Variants in AXDND1 observed in about 807,000 individuals in gnomAD.
The protein encoded by AXDND1 is axonemal dynein light chain domain-containing protein 1.
In AXDND1, 110 loss-of-function variants were observed where a neutral mutation model predicts 137.5. That is an observed-to-expected ratio of 0.80 (90% CI 0.69 to 0.94). The LOEUF (loss-of-function observed/expected upper bound fraction) is 0.94. AXDND1 is among the 40% of genes least tolerant of loss of function. The pLI, the probability that AXDND1 is intolerant of heterozygous loss-of-function variation, is 0.00. For synonymous variants in AXDND1, 414 were observed against 399.7 expected, an observed-to-expected ratio of 1.04 and a Z score of -0.43; for missense variants, 1,191 against 1,169.8, an observed-to-expected ratio of 1.02 and a Z score of -0.26.
chr1:179,395,734 T>C (rs1177923951), intron 11 of AXDND1, among the ~76,000 whole-genome samples: 1 of 152,212 alleles, frequency 6.6e-6, no homozygotes, highest in Non-Finnish European at 1.5e-5. Flanking sequence ...TGAAATTTTA[T>C]GTCATGAAAT....
At chr1:179,499,961 T>G (rs1311629487) in intron 20 of AXDND1, among the ~76,000 whole-genome samples, 1 of 152,146 alleles carries the variant, frequency 6.6e-6, no homozygotes. Flanking sequence ...GCTCTAAGTA[T>G]AGACAGCTTC....
intron 15 of AXDND1, among the ~76,000 whole-genome samples, chr1:179,439,591 C>T (rs1658689945): frequency 7.8e-6 from 1 of 128,858 alleles, no homozygotes; most frequent in Non-Finnish European, 1.8e-5. Flanking sequence ...ACAGGGAAAA[C>T]ATACTGCACA....
chr1:179,554,373 G>T, intron 25 of AXDND1, 139 bp from the exon 26 acceptor site: 1 of 1,340,956 alleles, frequency 7.5e-7, no homozygotes, highest in Non-Finnish European at 1.1e-6. Flanking sequence ...TGCTGATATG[G>T]CTATAGTACT....
rs10494520 is a variant in AXDND1 at position 179,483,140 on chromosome 1, G to T, written c.2010G>T (p.Ala670=). 48 of 1,597,656 alleles carry T rather than the reference G, an allele frequency of 3.0e-5. No homozygotes were observed. The Admixed American group carries it at 7.9e-4, about 26-fold the overall frequency. Residue 670 remains alanine, a synonymous_variant, in exon 18 of 26, where the codon GCG becomes GCT. Transcript: ENST00000367618. ...ATTTTTCCTTCAGGGTACTCCAAGC[G>T]TATATATTTAACATGATTCAACAAT... ...IDVDSVSVLQ[A]YIFNMIQQWL...
intron 16 of AXDND1, among the ~76,000 whole-genome samples, chr1:179,458,245 A>C (rs982299347): frequency 6.6e-6 from 1 of 151,878 alleles, no homozygotes; most frequent in African/African-American, 2.4e-5. Context: ...GGCCTCCCAA[A>C]GTGCTGAGAT....
chr1:179,430,473 T>G lies in AXDND1; in HGVS notation c.1354T>G (p.Leu452Val). The G allele has an allele frequency of 6.2e-7, 1 of 1,613,618 alleles. No homozygotes were observed. Among genetic ancestry groups the G allele is most frequent in the Non-Finnish European group, 8.5e-7 (1 of 1,179,742 alleles). ...ATAGGACACTGAAGACCTTGCACTGTTGCAGAAGTTGACACAAAAATGGAG... is the reference window on the plus strand; with the variant it reads ...ATAGGACACTGAAGACCTTGCACTGGTGCAGAAGTTGACACAAAAATGGAG... ...SNKDTEDLAL[L>V]QKLTQKWRNL... The change falls in exon 14 of 26, where the codon TTG (leucine) becomes GTG (valine). Residue 452 changes from leucine (L) to valine (V), a missense_variant. Coordinates refer to ENST00000367618, the MANE Select transcript of AXDND1 (RefSeq NM_144696.6).
chr1:179,528,330 C>A lies in AXDND1; in HGVS notation c.2614C>A (p.Pro872Thr), dbSNP rs146570827. The part of the protein sequence containing the change: ...EENKERAEEQ[P>T]STSTEKEKLI... ...TCCGCATGTTTCTGTGTTCTAGCAA[C>A]CTTCAACATCTACAGAGAAGGAAAA... The change falls in exon 23 of 26, where the codon CCT (proline) becomes ACT (threonine). Residue 872 changes from proline to threonine, a missense_variant. Coordinates refer to ENST00000367618, the MANE Select transcript of AXDND1 (RefSeq NM_144696.6). The A allele has an allele frequency of 3.1e-5, 50 of 1,611,806 alleles. No homozygotes were observed. The highest frequency in any genetic ancestry group is 3.9e-5 in the Non-Finnish European group (46 of 1,178,210).
intron 20 of AXDND1, among the ~76,000 whole-genome samples, chr1:179,494,286 T>G (rs1667228768): frequency 6.6e-6 from 1 of 152,134 alleles, no homozygotes; most frequent in Admixed American, 6.5e-5. Flanking sequence ...TACATTCTAA[T>G]AAGTGAGTAG....
Position 179,483,128 on chromosome 1 carries a change from G to A in AXDND1, c.1998G>A (p.Ser666=). The change falls in exon 18 of 26, where the codon TCG becomes TCA. Residue 666 remains serine, a splice_region_variant and synonymous_variant. Coordinates refer to ENST00000367618, the MANE Select transcript of AXDND1 (RefSeq NM_144696.6). ...VPQHIDVDSV[S]VLQAYIFNMI... is the part of the protein sequence containing the mutation. ...TTATTTTACTTGATTTTTCCTTCAGGGTACTCCAAGCGTATATATTTAACA... is the reference window on the plus strand; with the variant it reads ...TTATTTTACTTGATTTTTCCTTCAGAGTACTCCAAGCGTATATATTTAACA... 1 of 1,573,030 alleles carries A rather than the reference G, an allele frequency of 6.4e-7. No individual in the cohort carries two copies.
chr1:179,418,658 G>A (rs1336462991), intron 12 of AXDND1, among the ~76,000 whole-genome samples: 2 of 142,666 alleles, frequency 1.4e-5, no homozygotes, highest in South Asian at 4.5e-4. Context: ...GCGGCTGGCC[G>A]GGTGGGGGGC....
Position 179,552,617 on chromosome 1 carries a change from G to A in AXDND1, c.3032-1895G>A, listed in dbSNP as rs1057517164. The A allele has an allele frequency of 6.2e-7, 1 of 1,613,720 alleles. No homozygotes were observed. Among genetic ancestry groups the A allele is most frequent in the South Asian group, 1.1e-5 (1 of 90,986 alleles). On this transcript the variant is annotated intron_variant, in intron 25 of 25. Coordinates refer to ENST00000367618, the MANE Select transcript of AXDND1 (RefSeq NM_144696.6). ...GGAGTGCTCACCCGCACTTTGGCTT[G>A]TCTTTGCGCTTCAGCCTCCACAGCC...
At position 179,380,081 on chromosome 1, in the gene AXDND1, C is replaced by T. The variant is rs545047087; in HGVS notation, c.581+599C>T. ...TGGCTAACACGGTGAAACTCCGTCTCTACTAAAAATACAAAAAAATAGCCG... is the reference window on the plus strand; with the variant it reads ...TGGCTAACACGGTGAAACTCCGTCTTTACTAAAAATACAAAAAAATAGCCG... On this transcript the variant is annotated intron_variant, in intron 6 of 25. Coordinates refer to ENST00000367618, the MANE Select transcript of AXDND1 (RefSeq NM_144696.6). Among the ~76,000 whole-genome samples the T allele has an allele frequency of 4.0e-3, 609 of 151,956 alleles. 2 individuals are homozygous for T. Among genetic ancestry groups the T allele is most frequent in the African/African-American group, 0.014 (572 of 41,464 alleles).
chr1:179,544,755 G>A (rs565114363), intron 25 of AXDND1: 7 of 151,790 alleles, frequency 4.6e-5, no homozygotes, highest in Admixed American at 1.3e-4. Flanking sequence ...CAGCATTTTC[G>A]GATTTCTTAT....
intron 16 of AXDND1, among the ~76,000 whole-genome samples, chr1:179,463,338 C>T (rs186737316): frequency 3.7e-4 from 56 of 152,224 alleles, no homozygotes; most frequent in South Asian, 2.1e-4. Flanking sequence ...TCATTGGTTT[C>T]GAAGAGCATC....
chr1:179,528,261 G>C (rs554402781), intron 22 of AXDND1, 66 bp from the exon 23 acceptor site: 1 of 1,127,714 alleles, frequency 8.9e-7, no homozygotes, highest in Non-Finnish European at 1.3e-6. Flanking sequence ...ACTTGCTACC[G>C]TGCCAGGAAA....
At chr1:179,370,748 T>C (rs1363192927) in intron 4 of AXDND1, among the ~76,000 whole-genome samples, 3 of 152,194 alleles carry the variant, frequency 2.0e-5, no homozygotes, top group African/African-American at 7.2e-5. Context: ...CTGAAACAAA[T>C]GTTTACACTT....
chr1:179,447,830 T>C, intron 16 of AXDND1: 1 of 1,296,806 alleles, frequency 7.7e-7, no homozygotes, highest in East Asian at 2.3e-5. Flanking sequence ...AAGTCTGTAG[T>C]GCCCAACATC....
intron 17 of AXDND1, among the ~76,000 whole-genome samples, chr1:179,474,755 G>A (rs1238628841): frequency 6.6e-6 from 1 of 152,190 alleles, no homozygotes; most frequent in Admixed American, 6.5e-5. Flanking sequence ...TTTCTGGGGA[G>A]GAAATAAAGA....
At chr1:179,436,779 C>T (rs1367137641) in intron 15 of AXDND1, among the ~76,000 whole-genome samples, 2 of 151,786 alleles carry the variant, frequency 1.3e-5, no homozygotes, top group Non-Finnish European at 2.9e-5. Flanking sequence ...CTGATAGGTG[C>T]AGCAAACCAC....
Sources: gnomAD v4.1 joint callset for allele counts (sites outside exome capture counted in the v4.1 genomes callset) on GRCh38, gnomAD v4.1.1 for gene constraint, MANE v1.5 for transcripts, NCBI Gene and HGNC (gene_info 2026-07-23, HGNC 2026-07-21) for gene names.